EGFL6: variants seen among roughly 807,000 people sequenced by gnomAD.
The protein encoded by EGFL6 is EGF like domain multiple 6.
A neutral mutation model predicts 43.1 loss-of-function variants in EGFL6; 42 were observed. The observed-to-expected ratio is 0.98, with a 90% CI of 0.76 to 1.26. The LOEUF is 1.26. Ranked by LOEUF, EGFL6 falls within the 50% of genes most tolerant of loss-of-function variation. The pLI is 0.00. For missense variants in EGFL6, 429 were observed against 427.8 expected, an observed-to-expected ratio of 1.00 and a Z score of -0.02; for synonymous variants, 164 against 163.2, an observed-to-expected ratio of 1.01 and a Z score of -0.04.
chrX:13,609,094 A>G (rs1421194950), intron 7 of EGFL6, among the ~76,000 whole-genome samples: 1 of 112,467 alleles, frequency 8.9e-6, no homozygotes, highest in East Asian at 2.8e-4. Context: ...CAGCAACAAT[A>G]AAGGTTTATT....
At chrX:13,589,877 A>C (rs2045554358) in intron 2 of EGFL6, among the ~76,000 whole-genome samples, 1 of 112,617 alleles carries the variant, frequency 8.9e-6, no homozygotes, top group Admixed American at 9.4e-5. Context: ...ATTTTAGAAG[A>C]CTGTCTTGTC....
chrX:13,574,177 G>A (rs1439205202), intron 1 of EGFL6, among the ~76,000 whole-genome samples: 1 of 112,127 alleles, frequency 8.9e-6, no homozygotes, highest in East Asian at 2.8e-4. Flanking sequence ...CAAGGGAGCC[G>A]GGGTGTTTGT....
chrX:13,590,666 G>T (rs187827947), intron 2 of EGFL6, among the ~76,000 whole-genome samples: 1 of 111,643 alleles, frequency 9.0e-6, no homozygotes, highest in Admixed American at 9.5e-5. Context: ...CCATAAGTGG[G>T]GTCAGAACTT....
chrX:13,631,789 A>T (rs1836302375), intron 11 of EGFL6, among the ~76,000 whole-genome samples: 1 of 111,444 alleles, frequency 9.0e-6, no homozygotes, highest in Admixed American at 9.5e-5. Context: ...TCCGTCTCAC[A>T]AAAAATAAAT....
chrX:13,603,778 T>C (rs1018684243), intron 5 of EGFL6, among the ~76,000 whole-genome samples: 12 of 112,087 alleles, frequency 1.1e-4, no homozygotes, highest in African/African-American at 3.9e-4. Flanking sequence ...CTAAGGACCA[T>C]TGGGTTTTAT....
At chrX:13,616,538 A>G (rs1168310697) in intron 7 of EGFL6, among the ~76,000 whole-genome samples, 1 of 109,374 alleles carries the variant, frequency 9.1e-6, no homozygotes, top group Non-Finnish European at 1.9e-5. Context: ...GCAACCCAGG[A>G]GGGGGAGGTT....
chrX:13,615,969 G>A (rs966049242), intron 7 of EGFL6, among the ~76,000 whole-genome samples: 1 of 111,509 alleles, frequency 9.0e-6, no homozygotes, highest in Non-Finnish European at 1.9e-5. Flanking sequence ...CAAAATTAAT[G>A]TCTACTCCAT....
chrX:13,584,929 C>T (rs763919473), intron 1 of EGFL6, among the ~76,000 whole-genome samples: 2 of 112,318 alleles, frequency 1.8e-5, no homozygotes, highest in Admixed American at 9.5e-5. Context: ...CCAGTCCAAG[C>T]AACCAGAATC....
At chrX:13,598,167 C>T (rs943263806) in intron 3 of EGFL6, among the ~76,000 whole-genome samples, 1 of 112,116 alleles carries the variant, frequency 8.9e-6, no homozygotes, top group African/African-American at 3.2e-5. Context: ...TGGGATATTC[C>T]TGGGTTTCCC....
chrX:13,612,035 ACT>A (rs1203195878), intron 7 of EGFL6, among the ~76,000 whole-genome samples: 1 of 106,383 alleles, frequency 9.4e-6, no homozygotes, highest in Non-Finnish European at 1.9e-5. Context: ...CTCAAAATCC[ACT>A]CTTTTTTTTT....
intron 1 of EGFL6, among the ~76,000 whole-genome samples, chrX:13,576,884 C>T (rs2045474312): frequency 9.0e-6 from 1 of 111,725 alleles, no homozygotes; most frequent in Admixed American, 9.5e-5. Flanking sequence ...AAATATTTTA[C>T]CCAGAGAGAT....
chrX:13,584,988 A>G (rs774390877), intron 1 of EGFL6, among the ~76,000 whole-genome samples: 4 of 111,871 alleles, frequency 3.6e-5, no homozygotes, highest in African/African-American at 9.7e-5. Flanking sequence ...TCTCCCTCCA[A>G]TCTATCTTCC....
intron 3 of EGFL6, among the ~76,000 whole-genome samples, chrX:13,598,224 G>C (rs893457707): frequency 1.8e-5 from 2 of 112,324 alleles, no homozygotes; most frequent in Non-Finnish European, 3.8e-5. Context: ...GAAGAGGTTA[G>C]GTTCTATGAG....
intron 11 of EGFL6, 67 bp downstream of exon 11, chrX:13,627,343 A>G (rs774006183): frequency 3.3e-5 from 38 of 1,144,299 alleles, no homozygotes; most frequent in Admixed American, 1.7e-4. Context: ...CAAATGAAAC[A>G]AAACATTTAC....
intron 2 of EGFL6, among the ~76,000 whole-genome samples, chrX:13,590,862 A>T (rs1022222919): frequency 8.9e-6 from 1 of 111,761 alleles, no homozygotes; most frequent in Non-Finnish European, 1.9e-5. Flanking sequence ...TCCTCCTGGG[A>T]CTTGTGTCAA....
At chrX:13,600,436 G>T (rs190638976) in intron 4 of EGFL6, among the ~76,000 whole-genome samples, 1,570 of 107,244 alleles carry the variant, frequency 0.015, 32 homozygotes, top group African/African-American at 0.051. Context: ...ATAGGCACAT[G>T]CCACCACGCC....
At chrX:13,595,765 G>T (rs1263048014) in intron 3 of EGFL6, among the ~76,000 whole-genome samples, 1 of 107,638 alleles carries the variant, frequency 9.3e-6, no homozygotes, top group African/African-American at 3.4e-5. Flanking sequence ...TGTCACCCAG[G>T]GTAGAGTGCA....
At chrX:13,600,280 C>CTTTCT (rs2045625981) in intron 4 of EGFL6, among the ~76,000 whole-genome samples, 186 bp downstream of exon 4, 1 of 44,278 alleles carries the variant, frequency 2.3e-5, no homozygotes, top group Non-Finnish European at 3.8e-5. Context: ...TTTCTTTCTT[C>CTTTCT]TTTTTTTTTT....
At chrX:13,590,388 C>T (rs1474824336) in intron 2 of EGFL6, 1 of 111,803 alleles carries the variant, frequency 8.9e-6, no homozygotes, top group East Asian at 2.8e-4. Flanking sequence ...GTAGCAGAAC[C>T]AAATCCACAT....
Sources: allele counts gnomAD v4.1 joint callset (sites outside exome capture counted in the v4.1 genomes callset), GRCh38; gene constraint gnomAD v4.1.1; transcripts MANE v1.5; gene names NCBI Gene and HGNC (gene_info 2026-07-23, HGNC 2026-07-21).